Variants in ACSBG2 observed in about 807,000 individuals in gnomAD.
ACSBG2 encodes long-chain-fatty-acid--CoA ligase ACSBG2.
A neutral mutation model predicts 74.7 loss-of-function variants in ACSBG2; 62 were observed. The ratio of observed to expected loss-of-function variants is 0.83; its 90% confidence interval spans 0.68 to 1.03. ACSBG2 has a LOEUF of 1.03. Among genes scored for constraint, ACSBG2 ranks in the 50% least tolerant of loss-of-function variants. ACSBG2 has a pLI of 0.00. For synonymous variants in ACSBG2, 309 were observed against 294.1 expected (o/e 1.05, Z -0.52); for missense variants, 730 against 817.6 (o/e 0.89, Z 1.31).
At chr19:6,156,805 GA>G (rs1291453093) in intron 5 of ACSBG2, among the ~76,000 whole-genome samples, 3 of 145,484 alleles carry the variant, frequency 2.1e-5, no homozygotes, top group African/African-American at 7.8e-5. Flanking sequence ...TTTTTTTCGA[GA>G]CAGGGTCTCA....
At position 6,183,239 on chromosome 19, in the gene ACSBG2, C is replaced by A. The variant is rs772815153; in HGVS notation, c.1289C>A (p.Thr430Lys). ...YGLSESSGPH[T>K]ISNQNNYRLL... ...TTGAGTGAGAGCTCGGGACCCCACA[C>A]GATATCCAACCAGAATAACTACAGG... Residue 430 changes from threonine to lysine, a missense_variant, in exon 10 of 15, where the codon ACG (threonine) becomes AAG (lysine). Transcript: ENST00000588485. 1 of 1,614,170 alleles carries A rather than the reference C, an allele frequency of 6.2e-7. No individual in the cohort carries two copies. Among genetic ancestry groups the A allele is most frequent in the South Asian group, 1.1e-5 (1 of 91,080 alleles).
chr19:6,163,719 C>T (rs1407980814), intron 6 of ACSBG2, among the ~76,000 whole-genome samples: 2 of 149,364 alleles, frequency 1.3e-5, no homozygotes, highest in African/African-American at 4.9e-5. Context: ...CACGCCACTG[C>T]ACTCCAGCCT....
Position 6,155,089 on chromosome 19 carries a change from T to C in ACSBG2, c.387-1342T>C, listed in dbSNP as rs149644467. 4.9e-4 allele frequency among the ~76,000 whole-genome samples: 74 copies of C among 152,228 alleles called. 1 individual carries two copies. The highest frequency in any genetic ancestry group is 1.5e-3 in the South Asian group (7 of 4,826). ...TGGTGATGAGAGTAACCATCTCAAA[T>C]AATTATAATGTGCCTCATTCCCTGC... On this transcript the variant is annotated intron_variant, in intron 4 of 14. Transcript: ENST00000588485.
chr19:6,151,698 C>T lies in ACSBG2; in HGVS notation c.298-9C>T, dbSNP rs1202895345. 6.3e-7 allele frequency: 1 copy of T among 1,586,376 alleles called. No homozygotes were observed. Among genetic ancestry groups the T allele is most frequent in the East Asian group, 2.2e-5 (1 of 44,460 alleles). ...TGTTTTGTTTTTCTGTTTGCTTTTTCCTTCCCAGCTGGGTTTGGAGCGTTT... is the reference window on the plus strand; with the variant it reads ...TGTTTTGTTTTTCTGTTTGCTTTTTTCTTCCCAGCTGGGTTTGGAGCGTTT... On this transcript the variant is annotated splice_polypyrimidine_tract_variant and intron_variant, in intron 3 of 14. Transcript: ENST00000588485.
intron 2 of ACSBG2, among the ~76,000 whole-genome samples, chr19:6,142,524 A>G (rs2163829): frequency 0.7 from 106,791 of 151,734 alleles, 37,860 homozygotes; most frequent in Admixed American, 0.73. Context: ...AGGCCGAGAC[A>G]GGCGGATCAC....
rs58730661 is a variant in ACSBG2 at position 6,190,812 on chromosome 19, T to TACACACACACACACACACACAC, written c.*35+139_*35+160dup. 12 of 336,720 alleles carry TACACACACACACACACACACAC rather than the reference T, an allele frequency of 3.6e-5. 1 individual carries two copies. Among genetic ancestry groups the TACACACACACACACACACACAC allele is most frequent in the East Asian group, 1.3e-4 (2 of 15,464 alleles). The allele number at this position is 336,720 out of a possible 1,614,324, so 20.9% of individuals were successfully genotyped here. Reference sequence around the variant, plus strand: ...GAAAACACACACATACACACATACATACACACACACACACACACACACACA... The same window carrying TACACACACACACACACACACAC: ...GAAAACACACACATACACACATACATACACACACACACACACACACACACACACACACACACACACACACACA... On this transcript the variant is annotated intron_variant, in intron 14 of 14. Coordinates refer to ENST00000588485, the MANE Select transcript of ACSBG2 (RefSeq NM_030924.5).
In ACSBG2 at chr19:6,187,259, G is replaced by A. The variant is rs760650075; in HGVS notation, c.1541-24G>A. ...GTTCCACGTTGTCATGGCTGGACAT[G>A]TACCAAGCCAAGCTCTGTTCCAGAA... On this transcript the variant is annotated intron_variant, in intron 11 of 14. Coordinates refer to ENST00000588485, the MANE Select transcript of ACSBG2 (RefSeq NM_030924.5). 20 of 1,613,824 alleles carry A rather than the reference G, an allele frequency of 1.2e-5. No individual in the cohort carries two copies. The South Asian group carries it at 2.2e-4, about 18-fold the overall frequency.
At chr19:6,189,278 A>C (rs145198475) in intron 13 of ACSBG2, among the ~76,000 whole-genome samples, 100 of 152,260 alleles carry the variant, frequency 6.6e-4, no homozygotes, top group African/African-American at 2.2e-3. Context: ...TCTTCTTTAA[A>C]GCATCAGAAC....
intron 8 of ACSBG2, among the ~76,000 whole-genome samples, chr19:6,178,365 A>G (rs996199344): frequency 6.6e-6 from 1 of 150,404 alleles, no homozygotes; most frequent in Non-Finnish European, 1.5e-5. Flanking sequence ...ATGTTCAAAT[A>G]TTCATTGCAT....
intron 7 of ACSBG2, chr19:6,176,321 T>C: frequency 7.1e-7 from 1 of 1,414,458 alleles, no homozygotes. Flanking sequence ...CCCCAATCTT[T>C]ATGGGTACCC....
chr19:6,181,480 T>G (rs542526172), intron 8 of ACSBG2, among the ~76,000 whole-genome samples: 2 of 152,252 alleles, frequency 1.3e-5, no homozygotes, highest in East Asian at 3.9e-4. Context: ...ACCAAATTTG[T>G]GGTTTGCAAA....
chr19:6,187,002 GT>G (rs1011907904), intron 11 of ACSBG2, among the ~76,000 whole-genome samples: 4,701 of 130,620 alleles, frequency 0.036, 135 homozygotes, highest in African/African-American at 0.11. Flanking sequence ...TGGCCACTAG[GT>G]TTTTTTTTTT....
chr19:6,157,138 C>T (rs538564756), intron 5 of ACSBG2, among the ~76,000 whole-genome samples: 2 of 152,232 alleles, frequency 1.3e-5, no homozygotes, highest in South Asian at 2.1e-4. Flanking sequence ...TTAGTAGAAA[C>T]GGGGTTTCAC....
chr19:6,154,402 A>AAGAG (rs547084046), intron 4 of ACSBG2, among the ~76,000 whole-genome samples: 4,718 of 83,192 alleles, frequency 0.057, 151 homozygotes, highest in African/African-American at 0.12. Context: ...CCGTCTCAAA[A>AAGAG]AGAGAGAGAG....
At chr19:6,187,027 G>A (rs1045168904) in intron 11 of ACSBG2, among the ~76,000 whole-genome samples, 4 of 135,586 alleles carry the variant, frequency 3.0e-5, no homozygotes, top group African/African-American at 8.7e-5. Flanking sequence ...TTTTTGAGAT[G>A]GTGTTTCACT....
Position 6,147,746 on chromosome 19 carries a change from T to C in ACSBG2, c.297+71T>C, listed in dbSNP as rs527351973. On this transcript the variant is annotated intron_variant, in intron 3 of 14. Transcript: ENST00000588485. Reference sequence around the variant, plus strand: ...AATAGGTAACAGACATACATACATGTGGTACAAAATTCACAAGGCACCAAA... The same window carrying C: ...AATAGGTAACAGACATACATACATGCGGTACAAAATTCACAAGGCACCAAA... 4.2e-4 allele frequency: 631 copies of C among 1,495,802 alleles called. 2 individuals carry two copies. The highest frequency in any genetic ancestry group is 8.6e-5 in the Non-Finnish European group (93 of 1,077,636). 92.7% of individuals were successfully genotyped at this position (1,495,802 alleles called of 1,614,324 possible).
chr19:6,173,884 A>G (rs1239942413), intron 7 of ACSBG2, among the ~76,000 whole-genome samples: 1 of 151,756 alleles, frequency 6.6e-6, no homozygotes, highest in African/African-American at 2.4e-5. Flanking sequence ...GGGCAGGGTC[A>G]TGCTGTCTGT....
At chr19:6,145,667 C>T (rs955733618) in intron 2 of ACSBG2, among the ~76,000 whole-genome samples, 9 of 152,076 alleles carry the variant, frequency 5.9e-5, no homozygotes, top group African/African-American at 2.2e-4. Context: ...CAGAGGAAAC[C>T]CTGTTCTCTT....
At chr19:6,137,572 A>C (rs527521779) in intron 1 of ACSBG2, among the ~76,000 whole-genome samples, 2 of 152,296 alleles carry the variant, frequency 1.3e-5, no homozygotes, top group South Asian at 4.1e-4. Flanking sequence ...GGAGGGCTGC[A>C]GGCAGAGGAG....
Sources: gnomAD v4.1 joint callset for allele counts (sites outside exome capture counted in the v4.1 genomes callset) on GRCh38, gnomAD v4.1.1 for gene constraint, MANE v1.5 for transcripts, NCBI Gene and HGNC (gene_info 2026-07-23, HGNC 2026-07-21) for gene names.